Variants in MYO1D observed in about 807,000 individuals in gnomAD.
MYO1D encodes the protein myosin ID.
A neutral mutation model predicts 122.0 loss-of-function variants in MYO1D; 83 were observed. The ratio of observed to expected loss-of-function variants is 0.68; its 90% CI spans 0.57 to 0.82. The LOEUF (loss-of-function observed/expected upper bound fraction) is 0.82. Ranked by LOEUF, MYO1D falls within the 40% of genes least tolerant of loss-of-function variation. The pLI, the probability that MYO1D is intolerant of heterozygous loss-of-function variation, is 0.00. For synonymous variants in MYO1D, 464 were observed against 446.9 expected, an observed-to-expected ratio of 1.04 and a Z score of -0.48; for missense variants, 1,157 against 1,269.5, an observed-to-expected ratio of 0.91 and a Z score of 1.35.
Position 32,778,573 on chromosome 17 carries a change from C to A in MYO1D, c.305G>T (p.Gly102Val). ...TTCCGTTTTACCAGCTCCACTTTCC[C>A]CTGGGGGGAAAAATTGTTCAGGGCT... ...RSKDTCIVISGESGAGKTEAS... is the reference protein window; with the variant it reads ...RSKDTCIVISVESGAGKTEAS... The change falls in exon 3 of 22, where the codon GGG becomes GTG. Residue 102 changes from glycine to valine, a missense_variant and splice_region_variant. Transcript: ENST00000318217. 1.2e-6 allele frequency: 2 copies of A among 1,612,682 alleles called. No homozygotes were observed. Among genetic ancestry groups the A allele is most frequent in the South Asian group, 2.2e-5 (2 of 90,982 alleles).
chr17:32,764,934 T>C lies in MYO1D; in HGVS notation c.979A>G (p.Ile327Val). The C allele has an allele frequency of 1.9e-6, 3 of 1,614,202 alleles. No homozygotes were observed. The highest frequency in any genetic ancestry group is 2.5e-6 in the Non-Finnish European group (3 of 1,180,038). Residue 327 changes from isoleucine (I) to valine (V), a missense_variant, in exon 8 of 22, where the codon ATT becomes GTT. Ile to Val is a conservative substitution (Grantham distance 29). Transcript: ENST00000318217. ...TCTTGTTCTGTGTGCTGCTTGTCAA[T>C]GATGTCACGGCCTGTGGCCACAGTC... is the stretch of plus-strand genomic sequence containing the variant. ...YRTVATGRDIIDKQHTEQEAS... is the reference protein window; with the variant it reads ...YRTVATGRDIVDKQHTEQEAS...
At chr17:32,602,335 A>G (rs920370522) in intron 21 of MYO1D, among the ~76,000 whole-genome samples, 1 of 152,184 alleles carries the variant, frequency 6.6e-6, no homozygotes, top group Non-Finnish European at 1.5e-5. Flanking sequence ...TGGATGTCAG[A>G]CATTGTGAAT....
intron 1 of MYO1D, among the ~76,000 whole-genome samples, chr17:32,842,408 T>C (rs886788320): frequency 6.6e-6 from 1 of 152,162 alleles, no homozygotes; most frequent in African/African-American, 2.4e-5. Context: ...TCTTAGGAGT[T>C]GGCTGCACAC....
chr17:32,859,565 G>C (rs1567675143), intron 1 of MYO1D, among the ~76,000 whole-genome samples: 1 of 152,182 alleles, frequency 6.6e-6, no homozygotes. Context: ...GGAAGAAAAG[G>C]AGCAGAAAGA....
chr17:32,736,180 CT>C (rs1467819462), intron 14 of MYO1D, among the ~76,000 whole-genome samples: 2 of 152,182 alleles, frequency 1.3e-5, no homozygotes, highest in East Asian at 3.9e-4. Context: ...CCCTTCTCCC[CT>C]GATCTCCATA....
chr17:32,517,915 G>C (rs1909952457), intron 21 of MYO1D, among the ~76,000 whole-genome samples: 1 of 152,200 alleles, frequency 6.6e-6, no homozygotes, highest in Admixed American at 6.5e-5. Context: ...GGAGGATGTG[G>C]AGATGGGCAC....
intron 21 of MYO1D, among the ~76,000 whole-genome samples, chr17:32,523,196 G>A (rs1019443686): frequency 2.6e-5 from 4 of 152,182 alleles, no homozygotes; most frequent in African/African-American, 9.7e-5. Context: ...GATCAGGTAG[G>A]ACTCAGGGCT....
chr17:32,674,592 T>C (rs976143157), intron 16 of MYO1D, among the ~76,000 whole-genome samples: 7 of 152,194 alleles, frequency 4.6e-5, no homozygotes, highest in Non-Finnish European at 7.3e-5. Context: ...TTCTTACTAA[T>C]AATTCACCAT....
chr17:32,821,143 G>A (rs1223918118), intron 1 of MYO1D, among the ~76,000 whole-genome samples: 1 of 152,128 alleles, frequency 6.6e-6, no homozygotes, highest in African/African-American at 2.4e-5. Flanking sequence ...TTCTGTTCCT[G>A]TGTTAGTCTG....
intron 3 of MYO1D, among the ~76,000 whole-genome samples, chr17:32,777,652 T>C (rs2090188307): frequency 6.6e-6 from 1 of 152,026 alleles, no homozygotes; most frequent in African/African-American, 2.4e-5. Flanking sequence ...TTTTAGAAAA[T>C]GAATCCTGTT....
intron 1 of MYO1D, among the ~76,000 whole-genome samples, chr17:32,822,505 C>A (rs1024175274): frequency 6.9e-6 from 1 of 145,440 alleles, no homozygotes; most frequent in African/African-American, 2.4e-5. Context: ...GTCGGCGCGC[C>A]GCTTCTTCGG....
chr17:32,604,648 C>T (rs113042430), intron 21 of MYO1D, among the ~76,000 whole-genome samples: 10 of 152,298 alleles, frequency 6.6e-5, no homozygotes, highest in African/African-American at 2.4e-4. Flanking sequence ...GTGGTCACTG[C>T]CTCTCTCAGG....
chr17:32,629,536 C>T (rs1480054180), intron 20 of MYO1D, among the ~76,000 whole-genome samples: 3 of 152,014 alleles, frequency 2.0e-5, no homozygotes, highest in African/African-American at 7.3e-5. Flanking sequence ...AGTTTAAGAC[C>T]AGCCTGGCCA....
chr17:32,589,390 T>C lies in MYO1D; in HGVS notation c.2864+15697A>G, dbSNP rs74421850. Among the ~76,000 whole-genome samples the C allele has an allele frequency of 6.4e-4, 98 of 152,326 alleles. 1 individual carries two copies. The East Asian group carries it at 0.015, about 23-fold the overall frequency. ...GAGGCAATGAATTATAAGTCTTCTC[T>C]GATCCAAAGCCCAAAAATCTTGAGG... On this transcript the variant is annotated intron_variant, in intron 21 of 21. Coordinates refer to ENST00000318217, the MANE Select transcript of MYO1D (RefSeq NM_015194.3).
chr17:32,579,195 G>A (rs2087305866), intron 21 of MYO1D, among the ~76,000 whole-genome samples: 1 of 152,074 alleles, frequency 6.6e-6, no homozygotes, highest in Admixed American at 6.6e-5. Context: ...CTCAGCCTGA[G>A]TAGCTGGGAC....
At chr17:32,810,043 T>C (rs1414914734) in intron 1 of MYO1D, among the ~76,000 whole-genome samples, 1 of 152,082 alleles carries the variant, frequency 6.6e-6, no homozygotes, top group Non-Finnish European at 1.5e-5. Flanking sequence ...GGCATGCAGG[T>C]GACCTTGACA....
intron 13 of MYO1D, among the ~76,000 whole-genome samples, chr17:32,740,059 A>G (rs1374704025): frequency 6.6e-6 from 1 of 152,254 alleles, no homozygotes; most frequent in African/African-American, 2.4e-5. Context: ...CAAAATGACT[A>G]CATAGATGTA....
chr17:32,745,463 G>A, intron 12 of MYO1D, 178 bp from the exon 13 acceptor site: 1 of 518,238 alleles, frequency 1.9e-6, no homozygotes, highest in Non-Finnish European at 3.5e-6. Flanking sequence ...AAATAGAAGG[G>A]AATTTTCATC....
chr17:32,549,900 A>C (rs2086996263), intron 21 of MYO1D, among the ~76,000 whole-genome samples: 1 of 152,156 alleles, frequency 6.6e-6, no homozygotes, highest in South Asian at 2.1e-4. Context: ...TGCATCTTTC[A>C]ATCCAATGAA....
Sources: gnomAD v4.1 joint callset for allele counts (sites outside exome capture counted in the v4.1 genomes callset) on GRCh38, gnomAD v4.1.1 for gene constraint, MANE v1.5 for transcripts, NCBI Gene and HGNC (gene_info 2026-07-23, HGNC 2026-07-21) for gene names.